Variants in SAR1A observed in about 807,000 individuals in gnomAD.
The protein encoded by SAR1A is small COPII coat GTPase SAR1A.
Under a neutral mutation model 22.6 loss-of-function variants are expected in SAR1A, and 6 were observed. The ratio of observed to expected loss-of-function variants is 0.27; its 90% CI spans 0.15 to 0.52. SAR1A has a LOEUF of 0.52. SAR1A is among the 20% of genes least tolerant of loss of function. The pLI is 0.96. For synonymous variants in SAR1A, 70 were observed against 82.2 expected, an observed-to-expected ratio of 0.85 and a Z score of 0.80; for missense variants, 145 against 245.1, an observed-to-expected ratio of 0.59 and a Z score of 2.73.
chr10:70,162,414 AGGGAAAG>A (rs1341520479), intron 1 of SAR1A, among the ~76,000 whole-genome samples: 137 of 118,112 alleles, frequency 1.2e-3, no homozygotes, highest in Middle Eastern at 4.1e-3. Context: ...GGAAAGGGAA[AGGGAAAG>A]GGAAAGGAAA....
chr10:70,156,014 T>C (rs888293433), intron 5 of SAR1A, among the ~76,000 whole-genome samples: 4 of 152,174 alleles, frequency 2.6e-5, no homozygotes, highest in Admixed American at 6.5e-5. Flanking sequence ...ATCAGGGTCA[T>C]GGTAGGATTT....
intron 6 of SAR1A, among the ~76,000 whole-genome samples, 174 bp from the exon 7 acceptor site, chr10:70,152,766 G>A (rs1385586001): frequency 2.0e-5 from 3 of 152,292 alleles, no homozygotes; most frequent in Non-Finnish European, 4.4e-5. Context: ...GTGTTTTCAG[G>A]ATAGAATAAG....
In SAR1A at chr10:70,150,975, T is replaced by C. The variant is rs533812995; in HGVS notation, c.*1501A>G. ...AGAATAAAGACATCCTCCCAACTTTTCATCTCCTATCTCCAATCTGTTCAT... is the reference window on the plus strand; with the variant it reads ...AGAATAAAGACATCCTCCCAACTTTCCATCTCCTATCTCCAATCTGTTCAT... On this transcript the variant is annotated 3_prime_UTR_variant, in exon 7 of 7. Transcript: ENST00000373241. The C allele has an allele frequency of 3.3e-5, 5 of 152,346 alleles. No homozygotes were observed. The highest frequency in any genetic ancestry group is 3.3e-4 in the Admixed American group (5 of 15,300). The allele number at this position is 152,346 out of a possible 1,614,324, so 9.4% of individuals were successfully genotyped here.
At chr10:70,168,626 G>C (rs1839583679) in intron 1 of SAR1A, among the ~76,000 whole-genome samples, 1 of 152,068 alleles carries the variant, frequency 6.6e-6, no homozygotes, top group South Asian at 2.1e-4. Context: ...TTTCTAAAGT[G>C]ATGTAAACAT....
intron 5 of SAR1A, chr10:70,155,142 C>T (rs1839370946): frequency 3.8e-6 from 2 of 519,810 alleles, no homozygotes; most frequent in Non-Finnish European, 7.9e-6. Context: ...ACCACAAATC[C>T]AGAAGTTAGT....
At chr10:70,160,108 A>T (rs932876232) in intron 4 of SAR1A, among the ~76,000 whole-genome samples, 2 of 152,182 alleles carry the variant, frequency 1.3e-5, no homozygotes, top group African/African-American at 4.8e-5. Context: ...TGAATAAAGG[A>T]TGCAAAAATG....
intron 1 of SAR1A, chr10:70,163,652 G>T: frequency 1.3e-6 from 1 of 743,016 alleles, no homozygotes; most frequent in Non-Finnish European, 2.5e-6. Context: ...GTGGTTGTGT[G>T]GTTGCGTCTC....
Position 70,150,917 on chromosome 10 carries a change from T to C in SAR1A, c.*1559A>G, listed in dbSNP as rs192875305. The C allele has an allele frequency of 1.8e-4, 27 of 152,406 alleles. No homozygotes were observed. The East Asian group carries it at 5.0e-3, about 28-fold the overall frequency. 9.4% of individuals were successfully genotyped at this position (152,406 alleles called of 1,614,324 possible). Reference sequence around the variant, plus strand: ...AAGAACAATGCCTCCCTCACCCCAGTAATGTTATCCACATTTTCCCTACCC... The same window carrying C: ...AAGAACAATGCCTCCCTCACCCCAGCAATGTTATCCACATTTTCCCTACCC... On this transcript the variant is annotated 3_prime_UTR_variant, in exon 7 of 7. Coordinates refer to ENST00000373241, the MANE Select transcript of SAR1A (RefSeq NM_020150.5).
In SAR1A at chr10:70,148,454, C is replaced by G. The variant is rs1839289470; in HGVS notation, c.*4022G>C. Reference sequence around the variant, plus strand: ...TCTATGACACAGAAGGTGGCTTGATCACAGCACAATTTCTTTATCCCAACT... The same window carrying G: ...TCTATGACACAGAAGGTGGCTTGATGACAGCACAATTTCTTTATCCCAACT... On this transcript the variant is annotated 3_prime_UTR_variant, in exon 7 of 7. Transcript: ENST00000373241. 6.6e-6 allele frequency: 1 copy of G among 152,076 alleles called. No homozygotes were observed. Among genetic ancestry groups the G allele is most frequent in the South Asian group, 2.1e-4 (1 of 4,820 alleles). The allele number at this position is 152,076 out of a possible 1,614,324, so 9.4% of individuals were successfully genotyped here. A position where few individuals can be genotyped will look rare whatever the true frequency, so the allele number is the denominator to read the frequency against.
chr10:70,150,200 C>T lies in SAR1A; in HGVS notation c.*2276G>A, dbSNP rs757222161. The T allele has an allele frequency of 2.6e-5, 4 of 151,698 alleles. No individual in the cohort carries two copies. The highest frequency in any genetic ancestry group is 7.3e-5 in the African/African-American group (3 of 41,244). The allele number at this position is 151,698 out of a possible 1,614,324, so 9.4% of individuals were successfully genotyped here. ...CAATGAAAAAAAAAAAAGGAAATAG[C>T]GTATTTGTTTTAACTTTTTATTAAA... On this transcript the variant is annotated 3_prime_UTR_variant, in exon 7 of 7. Transcript: ENST00000373241.
chr10:70,152,658 T>A, intron 6 of SAR1A, 66 bp from the exon 7 acceptor site: 1 of 1,059,494 alleles, frequency 9.4e-7, no homozygotes. Flanking sequence ...GAAAGGACGA[T>A]CATTACAATC....
At position 70,158,929 on chromosome 10, in the gene SAR1A, T is replaced by C. The variant is rs1156321095; in HGVS notation, c.245-1062A>G. ...CTTACTTTTAACAAAACCTGAAACC[T>C]AAATTTATCACACCAAACAATCTAC... is the stretch of plus-strand genomic sequence containing the variant. On this transcript the variant is annotated intron_variant, in intron 4 of 6. Coordinates refer to ENST00000373241, the MANE Select transcript of SAR1A (RefSeq NM_020150.5). Among the ~76,000 whole-genome samples, 4 of 152,290 alleles carry C rather than the reference T, an allele frequency of 2.6e-5. No homozygotes were observed. In the East Asian group the frequency reaches 7.7e-4, roughly 29 times the overall value.
chr10:70,155,096 C>T (rs1170198233), intron 5 of SAR1A: 1 of 528,074 alleles, frequency 1.9e-6, no homozygotes, highest in Non-Finnish European at 3.9e-6. Context: ...ACATTAGGGG[C>T]CAGTGTGAGA....
At chr10:70,153,811 T>C (rs772976762) in intron 6 of SAR1A, 27 bp downstream of exon 6, 44 of 1,562,308 alleles carry the variant, frequency 2.8e-5, no homozygotes, top group Non-Finnish European at 8.6e-6. Context: ...ATGTCCTTTA[T>C]ATGTAACCCA....
chr10:70,161,777 C>T, intron 2 of SAR1A, 39 bp from the exon 3 acceptor site: 3 of 1,613,528 alleles, frequency 1.9e-6, no homozygotes, highest in South Asian at 2.2e-5. Context: ...TTGCTCTCTA[C>T]AGACCAAAGC....
intron 1 of SAR1A, chr10:70,164,050 A>G (rs772786258): frequency 1.3e-6 from 1 of 798,838 alleles, no homozygotes; most frequent in Non-Finnish European, 2.3e-6. Context: ...GAAGAAGTTG[A>G]TTAAATGATC....
Position 70,152,309 on chromosome 10 carries a change from G to A in SAR1A, c.*167C>T, listed in dbSNP as rs1839335651. 4.3e-6 allele frequency: 4 copies of A among 925,072 alleles called. No homozygotes were observed. The highest frequency in any genetic ancestry group is 2.1e-5 in the Admixed American group (1 of 48,272). 57.3% of individuals were successfully genotyped at this position (925,072 alleles called of 1,614,324 possible). A position where few individuals can be genotyped will look rare whatever the true frequency, so the allele number is the denominator to read the frequency against. On this transcript the variant is annotated 3_prime_UTR_variant, in exon 7 of 7. Transcript: ENST00000373241. Reference sequence around the variant, plus strand: ...CATTACCTCCCAACAGTGTGGAGAAGAGCACATGTCACCACTGGGCAATGA... The same window carrying A: ...CATTACCTCCCAACAGTGTGGAGAAAAGCACATGTCACCACTGGGCAATGA...
chr10:70,152,395 T>TC lies in SAR1A; in HGVS notation c.*80dup. The TC allele has an allele frequency of 8.7e-7, 1 of 1,151,834 alleles. No homozygotes were observed. Among genetic ancestry groups the TC allele is most frequent in the South Asian group, 1.2e-5 (1 of 80,926 alleles). 71.4% of individuals were successfully genotyped at this position (1,151,834 alleles called of 1,614,324 possible). ...GACATGGTTGGAGAGCTTTCCTTGT[T>TC]CTATTAGAAAAGTTCATGAGGAAGC... is the stretch of plus-strand genomic sequence containing the variant. On this transcript the variant is annotated 3_prime_UTR_variant, in exon 7 of 7. Coordinates refer to ENST00000373241, the MANE Select transcript of SAR1A (RefSeq NM_020150.5).
At chr10:70,158,386 T>C (rs1235154214) in intron 4 of SAR1A, among the ~76,000 whole-genome samples, 2 of 152,220 alleles carry the variant, frequency 1.3e-5, no homozygotes, top group East Asian at 1.9e-4. Flanking sequence ...TCTTGACACA[T>C]TCCTCTGCTC....
Sources: gnomAD v4.1 joint callset for allele counts (sites outside exome capture counted in the v4.1 genomes callset) on GRCh38, gnomAD v4.1.1 for gene constraint, MANE v1.5 for transcripts, NCBI Gene and HGNC (gene_info 2026-07-23, HGNC 2026-07-21) for gene names.